The following DHDH variants were observed in gnomAD, a reference collection of about 807,000 sequenced individuals.
DHDH encodes trans-1,2-dihydrobenzene-1,2-diol dehydrogenase.
DHDH carries 29 observed loss-of-function variants against 33.2 expected under a neutral mutation model. The ratio of observed to expected loss-of-function variants is 0.87; its 90% CI spans 0.65 to 1.19. The LOEUF (loss-of-function observed/expected upper bound fraction) is 1.19, where lower values mean the gene tolerates loss of function less well. Among genes scored for constraint, DHDH ranks in the 50% most tolerant of loss-of-function variants. The pLI, the probability that DHDH is intolerant of heterozygous loss-of-function variation, is 0.00. For missense variants in DHDH, 431 were observed against 455.0 expected (o/e 0.95, Z 0.48); for synonymous variants, 201 against 187.9 (o/e 1.07, Z -0.57).
At chr19:48,934,508 A>G (rs1462522941) in intron 1 of DHDH, among the ~76,000 whole-genome samples, 1 of 152,180 alleles carries the variant, frequency 6.6e-6, no homozygotes, top group Non-Finnish European at 1.5e-5. Context: ...AAAGCGGACC[A>G]TTCCCATTCC....
upstream of DHDH, chr19:48,933,546 T>G (rs928264527): frequency 8.4e-5 from 52 of 622,050 alleles, no homozygotes; most frequent in South Asian, 1.3e-4. Context: ...AAACGGTGCA[T>G]TCGCCCAGCG....
intron 4 of DHDH, 145 bp from the exon 5 acceptor site, chr19:48,942,295 C>T (rs1046161993): frequency 3.1e-5 from 29 of 950,394 alleles, no homozygotes; most frequent in African/African-American, 1.8e-4. Context: ...TGAGCCACCG[C>T]GACCAGCCAG....
chr19:48,938,183 G>A (rs528208913), intron 3 of DHDH, among the ~76,000 whole-genome samples: 3 of 151,772 alleles, frequency 2.0e-5, no homozygotes, highest in African/African-American at 4.8e-5. Context: ...TGCAACCTCC[G>A]CTGCCCGGCT....
intron 3 of DHDH, 83 bp from the exon 4 acceptor site, chr19:48,939,366 G>A: frequency 6.7e-7 from 1 of 1,487,284 alleles, no homozygotes; most frequent in Non-Finnish European, 9.1e-7. Flanking sequence ...TTGGAGACTG[G>A]GTTGCAGTGG....
intron 4 of DHDH, among the ~76,000 whole-genome samples, chr19:48,940,996 CA>C (rs35826547): frequency 0.4 from 55,931 of 139,232 alleles, 12,848 homozygotes; most frequent in African/African-American, 0.65. Flanking sequence ...GACCCTGTCT[CA>C]AAAAAAAAAA....
intron 2 of DHDH, 147 bp from the exon 3 acceptor site, chr19:48,935,885 C>T: frequency 1.3e-6 from 1 of 793,324 alleles, no homozygotes; most frequent in Non-Finnish European, 1.9e-6. Context: ...GGTAACAGCC[C>T]CTTCCTAAGG....
chr19:48,936,982 C>T lies in DHDH; in HGVS notation c.366+787C>T, dbSNP rs1437294179. Among the ~76,000 whole-genome samples the T allele has an allele frequency of 5.3e-5, 8 of 151,836 alleles. No homozygotes were observed. In the East Asian group the frequency reaches 1.6e-3, roughly 30 times the overall value. On this transcript the variant is annotated intron_variant, in intron 3 of 6. Transcript: ENST00000221403. ...TATTTTTAGTAGAGACGGGGTTTCA[C>T]CATGTTGGCCAGGCTGGTCTCAAAC... is the stretch of plus-strand genomic sequence containing the variant.
intron 2 of DHDH, 143 bp from the exon 3 acceptor site, chr19:48,935,889 C>A: frequency 4.5e-6 from 4 of 887,494 alleles, no homozygotes; most frequent in Non-Finnish European, 6.6e-6. Context: ...ACAGCCCCTT[C>A]CTAAGGACAG....
Position 48,936,074 on chromosome 19 carries a change from C to A in DHDH, c.245C>A (p.Ala82Glu). Residue 82 changes from alanine to glutamate, a missense_variant, in exon 3 of 7, where the codon GCG (alanine) becomes GAG (glutamate). Physicochemically the swap from Ala to Glu is moderately radical, Grantham distance 107 (BLOSUM62 -1). Transcript: ENST00000221403. ...ACCCAGCACCCCCAGCACAAGGCGG[C>A]GGTGATGCTGTGCTTGGCGGCGGGC... ...IGTQHPQHKA[A>E]VMLCLAAGKA... 1 of 1,609,862 alleles carries A rather than the reference C, an allele frequency of 6.2e-7. No individual in the cohort carries two copies. The highest frequency in any genetic ancestry group is 8.5e-7 in the Non-Finnish European group (1 of 1,178,766).
In DHDH at chr19:48,941,985, C is replaced by CGTGTGTGT. The variant is rs60467743; in HGVS notation, c.620-419_620-412dup. On this transcript the variant is annotated intron_variant, in intron 4 of 6. Transcript: ENST00000221403. The stretch of plus-strand genomic sequence containing the variant: ...ACTGTGCACAGCCAAGACTGTACTT[C>CGTGTGTGT]GTGTGTGTGTGTGTGTGTGTGTGTG... Among the ~76,000 whole-genome samples, 550 of 132,220 alleles carry CGTGTGTGT rather than the reference C, an allele frequency of 4.2e-3. 1 individual carries two copies. Among genetic ancestry groups the CGTGTGTGT allele is most frequent in the African/African-American group, 0.014 (471 of 33,862 alleles). 86.7% of individuals were successfully genotyped at this position (132,220 alleles called of 152,430 possible).
chr19:48,937,281 C>T (rs1047553668), intron 3 of DHDH, among the ~76,000 whole-genome samples: 2 of 152,224 alleles, frequency 1.3e-5, no homozygotes, highest in Admixed American at 6.5e-5. Flanking sequence ...TGTGTTCACG[C>T]TCCTCTCGAC....
Position 48,939,478 on chromosome 19 carries a change from C to T in DHDH, c.396C>T (p.Ser132=), listed in dbSNP as rs2270940. Residue 132 remains serine, a synonymous_variant, in exon 4 of 7, where the codon TCC becomes TCT. Coordinates refer to ENST00000221403, the MANE Select transcript of DHDH (RefSeq NM_014475.4). ...TCTGGACCCGCTTCTTTCCTGCCTCCGAGGCTCTGAGGTCTGTTTTGGCCC... is the reference window on the plus strand; with the variant it reads ...TCTGGACCCGCTTCTTTCCTGCCTCTGAGGCTCTGAGGTCTGTTTTGGCCC... ...EAIWTRFFPA[S]EALRSVLAQG... The T allele has an allele frequency of 0.027, 43,740 of 1,613,258 alleles. 1,818 individuals are homozygous for T. Among genetic ancestry groups the T allele is most frequent in the African/African-American group, 0.19 (13,883 of 74,896 alleles).
intron 4 of DHDH, 74 bp from the exon 5 acceptor site, chr19:48,942,366 C>T: frequency 7.1e-7 from 1 of 1,399,922 alleles, no homozygotes; most frequent in Non-Finnish European, 9.5e-7. Flanking sequence ...GTTCCACAGG[C>T]AGGATTTGGG....
intron 5 of DHDH, among the ~76,000 whole-genome samples, 171 bp downstream of exon 5, chr19:48,942,735 T>C (rs2037882734): frequency 6.6e-6 from 1 of 152,114 alleles, no homozygotes; most frequent in Admixed American, 6.6e-5. Flanking sequence ...TCTCCTTACT[T>C]AGGATGAACC....
intron 5 of DHDH, among the ~76,000 whole-genome samples, chr19:48,943,691 TG>T: frequency 6.6e-6 from 1 of 152,144 alleles, no homozygotes; most frequent in Middle Eastern, 3.4e-3. Context: ...CCAAGTGTGG[TG>T]GTGCATGCCT....
chr19:48,938,182 C>A (rs1246091958), intron 3 of DHDH, among the ~76,000 whole-genome samples: 1 of 151,962 alleles, frequency 6.6e-6, no homozygotes. Flanking sequence ...CTGCAACCTC[C>A]GCTGCCCGGC....
chr19:48,941,181 G>C (rs1183964106), intron 4 of DHDH, among the ~76,000 whole-genome samples: 2 of 152,096 alleles, frequency 1.3e-5, no homozygotes, highest in Non-Finnish European at 2.9e-5. Flanking sequence ...ATATCTTACA[G>C]GTGGCAGGCA....
intron 5 of DHDH, among the ~76,000 whole-genome samples, chr19:48,943,104 C>T (rs962812972): frequency 6.6e-6 from 1 of 151,340 alleles, no homozygotes; most frequent in African/African-American, 2.4e-5. Context: ...CTGGCCGGCA[C>T]GGTGGTCACA....
In DHDH at chr19:48,936,159, C is replaced by T. The variant is rs2037771894; in HGVS notation, c.330C>T (p.Val110=). Residue 110 remains valine, a synonymous_variant, in exon 3 of 7, where the codon GTC becomes GTT. Coordinates refer to ENST00000221403, the MANE Select transcript of DHDH (RefSeq NM_014475.4). ...GVNAAEVREM[V]AEARSRALFL... ...ACGCGGCGGAAGTTCGCGAGATGGT[C>T]GCGGAGGCCCGATCCCGAGCCCTCT... The T allele has an allele frequency of 7.5e-6, 12 of 1,604,700 alleles. No homozygotes were observed. Among genetic ancestry groups the T allele is most frequent in the Non-Finnish European group, 1.0e-5 (12 of 1,176,692 alleles).
Sources: gnomAD v4.1 joint callset for allele counts (sites outside exome capture counted in the v4.1 genomes callset) on GRCh38, gnomAD v4.1.1 for gene constraint, MANE v1.5 for transcripts, NCBI Gene and HGNC (gene_info 2026-07-23, HGNC 2026-07-21) for gene names.